GALR2: variants seen among roughly 807,000 people sequenced by gnomAD.
GALR2 encodes galanin receptor type 2.
A neutral mutation model predicts 7.2 loss-of-function variants in GALR2; 5 were observed. That is an observed-to-expected ratio of 0.69 (90% CI 0.36 to 1.45). GALR2 has a LOEUF of 1.45. Ranked by LOEUF, GALR2 falls within the 40% of genes most tolerant of loss-of-function variation. The pLI is 0.03. For missense variants in GALR2, 561 were observed against 555.7 expected (o/e 1.01, Z -0.10); for synonymous variants, 300 against 263.9 (o/e 1.14, Z -1.32).
At chr17:76,072,929 C>G (rs1156290295), upstream of GALR2, among the ~76,000 whole-genome samples, 1 of 152,174 alleles carries the variant, frequency 6.6e-6, no homozygotes, top group Non-Finnish European at 1.5e-5. This position sits in a 1 kb window ranked among gnomAD's most constrained non-coding sequence, Gnocchi z 4.5. Flanking sequence ...CGGGACACCC[C>G]GTCCGTAAGG....
chr17:76,072,759 CCACT>C (rs1435397834), upstream of GALR2: 9 of 590,244 alleles, frequency 1.5e-5, no homozygotes, highest in Non-Finnish European at 2.5e-5. This position sits in a 1 kb window ranked among gnomAD's most constrained non-coding sequence, Gnocchi z 4.5. Context: ...CACCTCCCAC[CCACT>C]AAGGGCGGAG....
Position 76,077,251 on chromosome 17 carries a change from C to A in GALR2, c.984C>A (p.Gly328=). 7 of 1,604,298 alleles carry A rather than the reference C, an allele frequency of 4.4e-6. No individual in the cohort carries two copies. In the South Asian group the frequency reaches 6.6e-5, roughly 15 times the overall value. ...GCCGTGTGTGCGCTGCCGCGCGGGG[C>A]ACCCACAGTGGCAGCGTGTTGGAGC... The part of the protein sequence containing the change: ...ASGRVCAAAR[G]THSGSVLERE... Residue 328 remains glycine (G), a synonymous_variant, in exon 2 of 2, where the codon GGC becomes GGA. Transcript: ENST00000329003.
rs751297288 is a variant in GALR2 at position 76,076,899 on chromosome 17, T to C, written c.632T>C (p.Leu211Ser). The C allele has an allele frequency of 6.2e-6, 10 of 1,602,700 alleles. No homozygotes were observed. Among genetic ancestry groups the C allele is most frequent in the Non-Finnish European group, 8.5e-6 (10 of 1,178,890 alleles). ...LVLGLTYART[L>S]RYLWRAVDPV... The stretch of plus-strand genomic sequence containing the variant: ...CTCGGCCTGACCTACGCGCGCACCT[T>C]GCGCTACCTCTGGCGCGCCGTCGAC... The change falls in exon 2 of 2, where the codon TTG becomes TCG. Residue 211 changes from leucine to serine, a missense_variant. By Grantham distance (145) the Leu-to-Ser change is moderately radical. Coordinates refer to ENST00000329003, the MANE Select transcript of GALR2 (RefSeq NM_003857.4). The surrounding 1 kb of genome is among the most constrained non-coding windows in gnomAD (Gnocchi z 6.5).
chr17:76,076,521 C>T lies in GALR2; in HGVS notation c.369-115C>T. ...CCCACCTCCTCTGTGTGCGGTGTAA[C>T]CATGCGCTAAGGACCTTCCTCGAGA... On this transcript the variant is annotated intron_variant, in intron 1 of 1. Coordinates refer to ENST00000329003, the MANE Select transcript of GALR2 (RefSeq NM_003857.4). This position sits in a 1 kb window ranked among gnomAD's most constrained non-coding sequence, Gnocchi z 6.5. 1 of 670,582 alleles carries T rather than the reference C, an allele frequency of 1.5e-6. No homozygotes were observed. Among genetic ancestry groups the T allele is most frequent in the Non-Finnish European group, 2.5e-6 (1 of 398,304 alleles). The allele number at this position is 670,582 out of a possible 1,614,324, so 41.5% of individuals were successfully genotyped here.
chr17:76,077,267 G>A lies in GALR2; in HGVS notation c.1000G>A (p.Val334Met), dbSNP rs1186924735. Residue 334 changes from valine to methionine, a missense_variant, in exon 2 of 2, where the codon GTG (valine) becomes ATG (methionine). Val to Met is a conservative substitution (Grantham distance 21). Transcript: ENST00000329003. ...AAARGTHSGS[V>M]LERESSDLLH... ...CGCGCGGGGCACCCACAGTGGCAGC[G>A]TGTTGGAGCGCGAGTCCAGCGACCT... 2 of 1,602,182 alleles carry A rather than the reference G, an allele frequency of 1.2e-6. No individual in the cohort carries two copies. The highest frequency in any genetic ancestry group is 1.7e-6 in the Non-Finnish European group (2 of 1,177,326).
chr17:76,072,671 G>A (rs1385451439), upstream of GALR2: 5 of 1,277,360 alleles, frequency 3.9e-6, no homozygotes, highest in Non-Finnish European at 5.1e-6. The surrounding 1 kb of genome is among the most constrained non-coding windows in gnomAD (Gnocchi z 4.5). Context: ...GTCATCCCGG[G>A]TCCGGAATTG....
At chr17:76,072,536 C>A, upstream of GALR2, 1 of 1,554,350 alleles carries the variant, frequency 6.4e-7, no homozygotes, top group Non-Finnish European at 8.6e-7. The surrounding 1 kb of genome is among the most constrained non-coding windows in gnomAD (Gnocchi z 4.5). Context: ...GGAGGCGGGA[C>A]GACCTGGGCG....
chr17:76,076,884 C>T lies in GALR2; in HGVS notation c.617C>T (p.Thr206Ile), dbSNP rs2066891845. The change falls in exon 2 of 2, where the codon ACC (threonine) becomes ATC (isoleucine). Residue 206 changes from threonine (T) to isoleucine (I), a missense_variant. Transcript: ENST00000329003. The surrounding 1 kb of genome is among the most constrained non-coding windows in gnomAD (Gnocchi z 6.5). The part of the protein sequence containing the change: ...YLLPVLVLGL[T>I]YARTLRYLWR... Reference sequence around the variant, plus strand: ...CTTCCTGTGCTGGTTCTCGGCCTGACCTACGCGCGCACCTTGCGCTACCTC... The same window carrying T: ...CTTCCTGTGCTGGTTCTCGGCCTGATCTACGCGCGCACCTTGCGCTACCTC... The T allele has an allele frequency of 1.2e-6, 2 of 1,603,432 alleles. No individual in the cohort carries two copies. The highest frequency in any genetic ancestry group is 1.7e-6 in the Non-Finnish European group (2 of 1,179,198).
Position 76,077,287 on chromosome 17 carries a change from C to T in GALR2, c.1020C>T (p.Ser340=), listed in dbSNP as rs2066896046. ...GCAGCGTGTTGGAGCGCGAGTCCAG[C>T]GACCTGTTGCACATGAGCGAGGCGG... ...HSGSVLERES[S]DLLHMSEAAG... The change falls in exon 2 of 2, where the codon AGC becomes AGT. Residue 340 remains serine, a synonymous_variant. Coordinates refer to ENST00000329003, the MANE Select transcript of GALR2 (RefSeq NM_003857.4). 2 of 1,597,926 alleles carry T rather than the reference C, an allele frequency of 1.3e-6. No individual in the cohort carries two copies. The highest frequency in any genetic ancestry group is 1.3e-5 in the African/African-American group (1 of 74,934).
Position 76,075,703 on chromosome 17 carries a change from C to T in GALR2, c.368+452C>T, listed in dbSNP as rs529102722. Among the ~76,000 whole-genome samples, 358 of 152,260 alleles carry T rather than the reference C, an allele frequency of 2.4e-3. No homozygotes were observed. The highest frequency in any genetic ancestry group is 8.1e-3 in the African/African-American group (335 of 41,546). ...CAGCCAACTTCAGGCGCCTCCACTG[C>T]GCTCGCCTCCAAGCCACGGTTTGGT... On this transcript the variant is annotated intron_variant, in intron 1 of 1. Coordinates refer to ENST00000329003, the MANE Select transcript of GALR2 (RefSeq NM_003857.4). The surrounding 1 kb of genome is among the most constrained non-coding windows in gnomAD (Gnocchi z 5.9).
upstream of GALR2, chr17:76,072,132 A>T: frequency 8.1e-7 from 1 of 1,229,938 alleles, no homozygotes. This position sits in a 1 kb window ranked among gnomAD's most constrained non-coding sequence, Gnocchi z 4.5. Context: ...ACGAGGAAAG[A>T]CTAGTCGAGA....
chr17:76,075,146 T>C lies in GALR2; in HGVS notation c.263T>C (p.Leu88Pro). The C allele has an allele frequency of 6.2e-7, 1 of 1,612,588 alleles. No individual in the cohort carries two copies. Among genetic ancestry groups the C allele is most frequent in the Non-Finnish European group, 8.5e-7 (1 of 1,179,896 alleles). ...CVPFQATIYT[L>P]DGWVFGSLLC... Reference sequence around the variant, plus strand: ...CCCTTCCAGGCCACCATCTACACCCTGGACGGCTGGGTGTTCGGCTCGCTG... The same window carrying C: ...CCCTTCCAGGCCACCATCTACACCCCGGACGGCTGGGTGTTCGGCTCGCTG... Residue 88 changes from leucine to proline, a missense_variant, in exon 1 of 2, where the codon CTG becomes CCG. Transcript: ENST00000329003. The surrounding 1 kb of genome is among the most constrained non-coding windows in gnomAD (Gnocchi z 5.9).
rs561709965 is a variant in GALR2, at chr17:76,076,786, C to G, written c.519C>G (p.Thr173=). 55 of 1,606,044 alleles carry G rather than the reference C, an allele frequency of 3.4e-5. No homozygotes were observed. Among genetic ancestry groups the G allele is most frequent in the Non-Finnish European group, 4.6e-5 (54 of 1,179,862 alleles). Residue 173 remains threonine (T), a synonymous_variant, in exon 2 of 2, where the codon ACC becomes ACG. Transcript: ENST00000329003. The surrounding 1 kb of genome is among the most constrained non-coding windows in gnomAD (Gnocchi z 6.5). Reference sequence around the variant, plus strand: ...GCCAGTCGCAGCTGGCCAACCTGACCGTGTGCCATCCCGCGTGGAGCGCCC... The same window carrying G: ...GCCAGTCGCAGCTGGCCAACCTGACGGTGTGCCATCCCGCGTGGAGCGCCC... ...YYRQSQLANL[T]VCHPAWSAPR...
At chr17:76,072,413 T>C (rs751957574), upstream of GALR2, 12 of 1,596,334 alleles carry the variant, frequency 7.5e-6, no homozygotes, top group South Asian at 2.2e-5. The surrounding 1 kb of genome is among the most constrained non-coding windows in gnomAD (Gnocchi z 4.5). Context: ...CCACCGCCGC[T>C]ACCGCCGCCG....
rs8192512 is a variant in GALR2 at position 76,076,599 on chromosome 17, C to G, written c.369-37C>G. 9.8e-4 allele frequency: 1,421 copies of G among 1,448,714 alleles called. No individual in the cohort carries two copies. Among genetic ancestry groups the G allele is most frequent in the Non-Finnish European group, 1.2e-3 (1,294 of 1,065,756 alleles). The allele number at this position is 1,448,714 out of a possible 1,614,324, so 89.7% of individuals were successfully genotyped here. On this transcript the variant is annotated intron_variant, in intron 1 of 1. Coordinates refer to ENST00000329003, the MANE Select transcript of GALR2 (RefSeq NM_003857.4). This position sits in a 1 kb window ranked among gnomAD's most constrained non-coding sequence, Gnocchi z 6.5. ...CGCGGCCCTCCAGCATGAATGTGCC[C>G]GCTCAGCCGACGTCTCCCTTCCCGG...
chr17:76,076,611 G>C lies in GALR2; in HGVS notation c.369-25G>C. The C allele has an allele frequency of 1.3e-6, 2 of 1,518,526 alleles. No homozygotes were observed. The highest frequency in any genetic ancestry group is 1.8e-6 in the Non-Finnish European group (2 of 1,125,406). 94.1% of individuals were successfully genotyped at this position (1,518,526 alleles called of 1,614,324 possible). A position where few individuals can be genotyped will look rare whatever the true frequency, so the allele number is the denominator to read the frequency against. ...GCATGAATGTGCCCGCTCAGCCGAC[G>C]TCTCCCTTCCCGGTCTGACCGCAGG... On this transcript the variant is annotated intron_variant, in intron 1 of 1. Transcript: ENST00000329003. The surrounding 1 kb of genome is among the most constrained non-coding windows in gnomAD (Gnocchi z 6.5).
chr17:76,074,780 CAG>C lies in GALR2; in HGVS notation c.-101_-100del. On this transcript the variant is annotated 5_prime_UTR_variant, in exon 1 of 2. Coordinates refer to ENST00000329003, the MANE Select transcript of GALR2 (RefSeq NM_003857.4). The surrounding 1 kb of genome is among the most constrained non-coding windows in gnomAD (Gnocchi z 6.7). ...AAGGCTCCCTCCGCCTTCAGCCCGG[CAG>C]AGTCGCACTAGGAGTTGCAGCGGCC... 2.4e-6 allele frequency: 3 copies of C among 1,256,354 alleles called. No individual in the cohort carries two copies. The highest frequency in any genetic ancestry group is 3.2e-6 in the Non-Finnish European group (3 of 943,060). The allele number at this position is 1,256,354 out of a possible 1,614,324, so 77.8% of individuals were successfully genotyped here. A position where few individuals can be genotyped will look rare whatever the true frequency, so the allele number is the denominator to read the frequency against.
upstream of GALR2, chr17:76,072,432 ACCGCCGCCGCCACTGCCGCCG>A (rs760260174): frequency 6.2e-5 from 98 of 1,585,486 alleles, 1 homozygote; most frequent in East Asian, 1.1e-3. This position sits in a 1 kb window ranked among gnomAD's most constrained non-coding sequence, Gnocchi z 4.5. Context: ...CGCCACTGCC[ACCGCCGCCGCCACTGCCGCCG>A]CCGCCGCCGC....
At chr17:76,072,226 C>G (rs1598273523), upstream of GALR2, 3 of 1,595,446 alleles carry the variant, frequency 1.9e-6, no homozygotes, top group Admixed American at 5.3e-5. The surrounding 1 kb of genome is among the most constrained non-coding windows in gnomAD (Gnocchi z 4.5). Context: ...CAGGACTTGT[C>G]GGGACCCGCC....
Sources: allele counts gnomAD v4.1 joint callset (sites outside exome capture counted in the v4.1 genomes callset), GRCh38; gene constraint gnomAD v4.1.1; non-coding constraint Gnocchi (gnomAD v3.1); transcripts MANE v1.5; gene names NCBI Gene and HGNC (gene_info 2026-07-23, HGNC 2026-07-21).